PCDHGB7: variants seen among roughly 807,000 people sequenced by gnomAD.
PCDHGB7 encodes the protein protocadherin gamma-B7.
A neutral mutation model predicts 61.4 loss-of-function variants in PCDHGB7; 37 were observed. That is an observed-to-expected ratio of 0.60 (90% CI 0.46 to 0.79). The LOEUF (loss-of-function observed/expected upper bound fraction) is 0.79, where lower values mean the gene tolerates loss of function less well. Ranked by LOEUF, PCDHGB7 falls within the 30% of genes least tolerant of loss-of-function variation. The pLI is 0.00. For missense variants in PCDHGB7, 1,166 were observed against 1,202.5 expected (o/e 0.97, Z 0.45); for synonymous variants, 464 against 503.5 (o/e 0.92, Z 1.05).
At position 141,489,097 on chromosome 5, in the gene PCDHGB7, C is replaced by A; in HGVS notation, c.2416-5710C>A. ...ACCCCCGCCACTCGGTGACTAAGAA[C>A]TGCTGCAAGCAGGCAAACCTCCGAG... On this transcript the variant is annotated intron_variant, in intron 1 of 3. Transcript: ENST00000398594. This position sits in a 1 kb window ranked among gnomAD's most constrained non-coding sequence, Gnocchi z 4.5. The A allele has an allele frequency of 2.6e-5, 8 of 313,358 alleles. No homozygotes were observed. Among genetic ancestry groups the A allele is most frequent in the Non-Finnish European group, 3.5e-5 (6 of 172,456 alleles). The allele number at this position is 313,358 out of a possible 1,614,324, so 19.4% of individuals were successfully genotyped here. A position where few individuals can be genotyped will look rare whatever the true frequency, so the allele number is the denominator to read the frequency against.
chr5:141,465,490 G>A (rs917234604), intron 1 of PCDHGB7, among the ~76,000 whole-genome samples: 9 of 152,170 alleles, frequency 5.9e-5, no homozygotes, highest in East Asian at 1.9e-4. Flanking sequence ...AGGAATGAGC[G>A]GGAGCATTGT....
intron 1 of PCDHGB7, chr5:141,427,831 G>A (rs2097077070): frequency 6.5e-7 from 1 of 1,539,366 alleles, no homozygotes; most frequent in East Asian, 2.2e-5. Context: ...GTCGCGCAGC[G>A]TGCCTTCGAC....
intron 1 of PCDHGB7, chr5:141,478,463 G>A: frequency 6.2e-7 from 1 of 1,613,424 alleles, no homozygotes; most frequent in South Asian, 1.1e-5. Context: ...CAGTCCACTG[G>A]CCAGCCGCCA....
At chr5:141,422,611 A>C in intron 1 of PCDHGB7, 3 of 1,613,762 alleles carry the variant, frequency 1.9e-6, no homozygotes, top group Non-Finnish European at 2.5e-6. Flanking sequence ...CTCTGCCTAC[A>C]TTCCCGAAAA....
At chr5:141,421,089 T>A (rs1047424267) in intron 1 of PCDHGB7, 25 of 661,836 alleles carry the variant, frequency 3.8e-5, no homozygotes, top group Middle Eastern at 4.1e-4. Context: ...TCACAGATCC[T>A]GACACTGGAG....
rs774140980 is a variant in PCDHGB7, at chr5:141,420,167, T to G, written c.2308T>G (p.Ser770Ala). The change falls in exon 1 of 4, where the codon TCT becomes GCT. Residue 770 changes from serine to alanine, a missense_variant. Transcript: ENST00000398594. ...GAATCCAGAATTTAATTTTTTCACA[T>G]CTGTTGATCATTGTCCAGCCACACA... ...QMNPEFNFFT[S>A]VDHCPATQDN... 3 of 1,614,082 alleles carry G rather than the reference T, an allele frequency of 1.9e-6. No homozygotes were observed. The South Asian group carries it at 3.3e-5, about 18-fold the overall frequency.
At chr5:141,435,497 C>T (rs1234443531) in intron 1 of PCDHGB7, among the ~76,000 whole-genome samples, 1 of 152,154 alleles carries the variant, frequency 6.6e-6, no homozygotes, top group African/African-American at 2.4e-5. Context: ...ATTTCCTACA[C>T]TAATGATACT....
At chr5:141,442,129 G>T in intron 1 of PCDHGB7, 1 of 165,104 alleles carries the variant, frequency 6.1e-6, no homozygotes, top group Non-Finnish European at 1.3e-5. Flanking sequence ...CCGACAGCCT[G>T]CAGGAGACTC....
intron 2 of PCDHGB7, among the ~76,000 whole-genome samples, chr5:141,503,682 G>A (rs1430771639): frequency 1.3e-5 from 2 of 151,974 alleles, no homozygotes; most frequent in South Asian, 4.1e-4. Flanking sequence ...CTTTTGGGAA[G>A]GAGAATTGAG....
rs1365133001 is a variant in PCDHGB7 at position 141,477,683 on chromosome 5, G to A, written c.2416-17124G>A. ...TGACAATGGCATAGTGTCATCCTTA[G>A]TGCCCCTAGACTATGAGGATCGGCG... On this transcript the variant is annotated intron_variant, in intron 1 of 3. Transcript: ENST00000398594. This position sits in a 1 kb window ranked among gnomAD's most constrained non-coding sequence, Gnocchi z 4.9. 1.2e-6 allele frequency: 2 copies of A among 1,614,176 alleles called. No homozygotes were observed. The highest frequency in any genetic ancestry group is 3.3e-5 in the Admixed American group (2 of 60,028).
In PCDHGB7 at chr5:141,490,729, C is replaced by G. The variant is rs1365931429; in HGVS notation, c.2416-4078C>G. ...CCTCACCTACTCCATTGTAGGAAAT[C>G]AGGTTCAGGGAGCCCCAGCCTCCTC... On this transcript the variant is annotated intron_variant, in intron 1 of 3. Coordinates refer to ENST00000398594, the MANE Select transcript of PCDHGB7 (RefSeq NM_018927.4). The surrounding 1 kb of genome is among the most constrained non-coding windows in gnomAD (Gnocchi z 5.4). 1 of 1,614,184 alleles carries G rather than the reference C, an allele frequency of 6.2e-7. No homozygotes were observed.
chr5:141,510,795 G>T (rs994874330), intron 3 of PCDHGB7, 152 bp from the exon 4 acceptor site: 6 of 1,465,214 alleles, frequency 4.1e-6, no homozygotes. Flanking sequence ...CTTGTGAAGA[G>T]AGACTACCTT....
At chr5:141,426,850 C>T in intron 1 of PCDHGB7, 1 of 456,734 alleles carries the variant, frequency 2.2e-6, no homozygotes. Context: ...GGCAAGAACG[C>T]TCCAGAATTA....
In PCDHGB7 at chr5:141,448,129, C is replaced by A. The variant is rs116387986; in HGVS notation, c.2415+27855C>A. On this transcript the variant is annotated intron_variant, in intron 1 of 3. Coordinates refer to ENST00000398594, the MANE Select transcript of PCDHGB7 (RefSeq NM_018927.4). Reference sequence around the variant, plus strand: ...AGAAAAGAAAATTAGCCTCCCCCACCCTCACTATACCTCAGACTCACCCCT... The same window carrying A: ...AGAAAAGAAAATTAGCCTCCCCCACACTCACTATACCTCAGACTCACCCCT... 4.4e-3 allele frequency among the ~76,000 whole-genome samples: 671 copies of A among 152,002 alleles called. 4 individuals carry two copies. Among genetic ancestry groups the A allele is most frequent in the African/African-American group, 0.015 (612 of 41,466 alleles).
intron 1 of PCDHGB7, chr5:141,427,973 C>G (rs754410723): frequency 3.1e-6 from 5 of 1,593,936 alleles, no homozygotes; most frequent in Non-Finnish European, 3.4e-6. Flanking sequence ...TGCTGTACCC[C>G]GCGCTGGGGC....
chr5:141,504,078 C>T (rs1333392062), intron 2 of PCDHGB7, among the ~76,000 whole-genome samples: 1 of 152,078 alleles, frequency 6.6e-6, no homozygotes, highest in Non-Finnish European at 1.5e-5. Flanking sequence ...CCAGATGGTG[C>T]CAAACAGTTA....
intron 1 of PCDHGB7, among the ~76,000 whole-genome samples, chr5:141,439,449 G>A (rs761506247): frequency 4.6e-5 from 7 of 152,184 alleles, no homozygotes; most frequent in Admixed American, 3.9e-4. Context: ...TATTGCGGGA[G>A]CAAGACTGCA....
chr5:141,511,003 G>T lies in PCDHGB7; in HGVS notation c.2620G>T (p.Ala874Ser), dbSNP rs114669158. ...GGGAGTMGLS[A>S]RYGPQFTLQH... The stretch of plus-strand genomic sequence containing the variant: ...GGGTGCCGGCACCATGGGATTGAGC[G>T]CCCGCTACGGACCCCAGTTCACCCT... Residue 874 changes from alanine to serine, a missense_variant, in exon 4 of 4, where the codon GCC (alanine) becomes TCC (serine). Coordinates refer to ENST00000398594, the MANE Select transcript of PCDHGB7 (RefSeq NM_018927.4). 2 of 1,614,032 alleles carry T rather than the reference G, an allele frequency of 1.2e-6. No individual in the cohort carries two copies. Among genetic ancestry groups the T allele is most frequent in the Non-Finnish European group, 1.7e-6 (2 of 1,180,020 alleles).
chr5:141,502,864 G>GGCTTTTTT (rs2099816401), intron 2 of PCDHGB7, among the ~76,000 whole-genome samples: 1 of 61,572 alleles, frequency 1.6e-5, no homozygotes, highest in Non-Finnish European at 3.0e-5. Flanking sequence ...CTGACTCTCT[G>GGCTTTTTT]TCTTTTTTTT....
Sources: allele counts gnomAD v4.1 joint callset (sites outside exome capture counted in the v4.1 genomes callset), GRCh38; gene constraint gnomAD v4.1.1; non-coding constraint Gnocchi (gnomAD v3.1); transcripts MANE v1.5; gene names NCBI Gene and HGNC (gene_info 2026-07-23, HGNC 2026-07-21).